Variants in DIP2B observed in about 807,000 individuals in gnomAD.
The protein encoded by DIP2B is disco-interacting protein 2 homolog B.
Under a neutral mutation model 198.0 loss-of-function variants are expected in DIP2B, and 76 were observed. That is an observed-to-expected ratio of 0.38 (90% CI 0.32 to 0.46). The LOEUF is 0.46. DIP2B is among the 20% of genes least tolerant of loss of function. The pLI is 0.99. For synonymous variants in DIP2B, 701 were observed against 739.1 expected (o/e 0.95, Z 0.84); for missense variants, 1,559 against 1,978.4 (o/e 0.79, Z 4.02).
In DIP2B at chr12:50,716,958, C is replaced by CTTTTTTTTTTTTTTTT. The variant is rs4026694; in HGVS notation, c.2852-1743_2852-1728dup. ...CCTATCCTAGATTTACGAATTGTTG[C>CTTTTTTTTTTTTTTTT]TTTTTTTTTTTTTTTTTTTTTTTGA... is the stretch of plus-strand genomic sequence containing the variant. On this transcript the variant is annotated intron_variant, in intron 23 of 37. Coordinates refer to ENST00000301180, the MANE Select transcript of DIP2B (RefSeq NM_173602.3). Among the ~76,000 whole-genome samples the CTTTTTTTTTTTTTTTT allele has an allele frequency of 2.8e-3, 166 of 58,926 alleles. 37 individuals carry two copies. Among genetic ancestry groups the CTTTTTTTTTTTTTTTT allele is most frequent in the African/African-American group, 7.2e-3 (117 of 16,232 alleles). 38.7% of individuals were successfully genotyped at this position (58,926 alleles called of 152,430 possible).
chr12:50,673,183 T>C (rs1451528071), intron 5 of DIP2B, among the ~76,000 whole-genome samples: 1 of 152,218 alleles, frequency 6.6e-6, no homozygotes, highest in Non-Finnish European at 1.5e-5. Flanking sequence ...AATATACTCA[T>C]GTTAGTATAT....
At chr12:50,568,960 T>C (rs1389641470) in intron 1 of DIP2B, among the ~76,000 whole-genome samples, 1 of 152,092 alleles carries the variant, frequency 6.6e-6, no homozygotes, top group African/African-American at 2.4e-5. Flanking sequence ...TTTTTTTTTT[T>C]GTCCGTAAGA....
At chr12:50,646,143 A>G (rs1165620357) in intron 3 of DIP2B, among the ~76,000 whole-genome samples, 1 of 151,882 alleles carries the variant, frequency 6.6e-6, no homozygotes, top group Non-Finnish European at 1.5e-5. Flanking sequence ...ATTTTTTTTG[A>G]GACGGAGTCT....
At chr12:50,540,431 TTATTAA>T (rs1958313030) in intron 1 of DIP2B, among the ~76,000 whole-genome samples, 1 of 150,980 alleles carries the variant, frequency 6.6e-6, no homozygotes, top group African/African-American at 2.4e-5. Context: ...TTTTATATAG[TTATTAA>T]TATTAAAAAT....
At chr12:50,531,791 C>T (rs781461216) in intron 1 of DIP2B, among the ~76,000 whole-genome samples, 40 of 152,206 alleles carry the variant, frequency 2.6e-4, no homozygotes, top group Non-Finnish European at 5.6e-4. Flanking sequence ...TCTCTCTCCT[C>T]ACTAGAAAAT....
rs755386701 is a variant in DIP2B at position 50,697,093 on chromosome 12, C to G, written c.1966C>G (p.Leu656Val). The G allele has an allele frequency of 1.2e-6, 2 of 1,614,120 alleles. No individual in the cohort carries two copies. The highest frequency in any genetic ancestry group is 8.5e-7 in the Non-Finnish European group (1 of 1,179,990). The change falls in exon 17 of 38, where the codon CTG (leucine) becomes GTG (valine). Residue 656 changes from leucine to valine, a missense_variant. Physicochemically the swap from Leu to Val is conservative, Grantham distance 32. Coordinates refer to ENST00000301180, the MANE Select transcript of DIP2B (RefSeq NM_173602.3). ...GTCATCCTGTGATGCCTTCCTGAGT[C>G]TGTTCCAAAGTCATGGACTGAAGCC... ...SVSSCDAFLS[L>V]FQSHGLKPEA...
chr12:50,660,378 G>A, intron 4 of DIP2B, 59 bp downstream of exon 4: 7 of 1,494,950 alleles, frequency 4.7e-6, no homozygotes, highest in Non-Finnish European at 6.2e-6. Flanking sequence ...CCTGAAATAA[G>A]TTCTGCTTTT....
chr12:50,705,580 A>G (rs1939499926), intron 20 of DIP2B, among the ~76,000 whole-genome samples: 1 of 152,250 alleles, frequency 6.6e-6, no homozygotes, highest in South Asian at 2.1e-4. Flanking sequence ...ACTGGAATGC[A>G]ATCTTTATTT....
At chr12:50,643,247 C>A (rs1938290756) in intron 3 of DIP2B, among the ~76,000 whole-genome samples, 1 of 152,058 alleles carries the variant, frequency 6.6e-6, no homozygotes. Context: ...GATCTGTAGT[C>A]CCTGCTGTTT....
At position 50,672,867 on chromosome 12, in the gene DIP2B, T is replaced by A. The variant is rs560362729; in HGVS notation, c.640+1469T>A. Among the ~76,000 whole-genome samples the A allele has an allele frequency of 3.3e-5, 5 of 152,358 alleles. No individual in the cohort carries two copies. In the South Asian group the frequency reaches 6.2e-4, roughly 19 times the overall value. On this transcript the variant is annotated intron_variant, in intron 5 of 37. Transcript: ENST00000301180. ...CCTAAACATAATGTTAATAACCTGC[T>A]TTTCTTAGCAGTATGTGATGAACAT... is the stretch of plus-strand genomic sequence containing the variant.
intron 29 of DIP2B, 101 bp from the exon 30 acceptor site, chr12:50,728,447 G>A: frequency 2.0e-5 from 27 of 1,359,582 alleles, no homozygotes; most frequent in Non-Finnish European, 2.7e-5. Context: ...GCATTGTTTT[G>A]AGGAGTTTAG....
chr12:50,609,197 A>G (rs987771756), intron 1 of DIP2B, among the ~76,000 whole-genome samples: 1 of 152,250 alleles, frequency 6.6e-6, no homozygotes, highest in Non-Finnish European at 1.5e-5. Context: ...AGGGATTTGT[A>G]TCTTCTACAT....
intron 12 of DIP2B, among the ~76,000 whole-genome samples, chr12:50,688,808 CA>C (rs1315154841): frequency 6.6e-6 from 1 of 152,210 alleles, no homozygotes; most frequent in Admixed American, 6.5e-5. Context: ...TCCTCTGCCT[CA>C]TTGGCCATTC....
At chr12:50,520,236 C>T (rs1958104835) in intron 1 of DIP2B, among the ~76,000 whole-genome samples, 1 of 151,976 alleles carries the variant, frequency 6.6e-6, no homozygotes, top group Non-Finnish European at 1.5e-5. Context: ...CAGGGTTTCA[C>T]CGTGTTGGCC....
chr12:50,714,967 G>T (rs1178077758), intron 23 of DIP2B, among the ~76,000 whole-genome samples: 2 of 152,176 alleles, frequency 1.3e-5, no homozygotes, highest in African/African-American at 4.8e-5. Flanking sequence ...GAAAAGGTGT[G>T]TTAAGGCAGC....
intron 1 of DIP2B, among the ~76,000 whole-genome samples, chr12:50,609,944 T>C (rs1565843835): frequency 6.6e-6 from 1 of 152,216 alleles, no homozygotes; most frequent in Non-Finnish European, 1.5e-5. Flanking sequence ...ACATTTGTTA[T>C]AACTAATAAA....
intron 33 of DIP2B, among the ~76,000 whole-genome samples, chr12:50,734,445 T>G (rs1272700489): frequency 6.6e-6 from 1 of 152,248 alleles, no homozygotes; most frequent in Admixed American, 6.5e-5. Flanking sequence ...AAAAGTATTT[T>G]GTGACATTTG....
At chr12:50,685,589 C>G (rs572891127) in intron 10 of DIP2B, among the ~76,000 whole-genome samples, 5 of 152,232 alleles carry the variant, frequency 3.3e-5, no homozygotes, top group African/African-American at 1.2e-4. Flanking sequence ...TTACATTTGT[C>G]TGGTAGGATT....
chr12:50,697,046 G>T lies in DIP2B; in HGVS notation c.1934-15G>T. ...CATAATTTCAGCTTCAGGTTGATCT[G>T]TTCCAACTCCTTAGGGTCCGTGTCA... On this transcript the variant is annotated splice_polypyrimidine_tract_variant and intron_variant, in intron 16 of 37. Coordinates refer to ENST00000301180, the MANE Select transcript of DIP2B (RefSeq NM_173602.3). The T allele has an allele frequency of 1.9e-6, 3 of 1,606,266 alleles. No individual in the cohort carries two copies. The highest frequency in any genetic ancestry group is 1.7e-5 in the Admixed American group (1 of 59,582).
Sources: allele counts gnomAD v4.1 joint callset (sites outside exome capture counted in the v4.1 genomes callset), GRCh38; gene constraint gnomAD v4.1.1; transcripts MANE v1.5; gene names NCBI Gene and HGNC (gene_info 2026-07-23, HGNC 2026-07-21).